OPCML: variants seen among roughly 807,000 people sequenced by gnomAD.
The protein encoded by OPCML is opioid-binding protein/cell adhesion molecule.
A neutral mutation model predicts 37.8 loss-of-function variants in OPCML; 13 were observed. The observed-to-expected ratio is 0.34, with a 90% confidence interval of 0.22 to 0.55. The LOEUF is 0.55. Ranked by LOEUF, OPCML falls within the 20% of genes least tolerant of loss-of-function variation. OPCML has a pLI of 0.91. For missense variants in OPCML, 341 were observed against 435.6 expected, an observed-to-expected ratio of 0.78 and a Z score of 1.93; for synonymous variants, 176 against 168.8, an observed-to-expected ratio of 1.04 and a Z score of -0.33.
intron 1 of OPCML, among the ~76,000 whole-genome samples, chr11:133,168,751 A>AGTTTTCT (rs1950248466): frequency 6.6e-6 from 1 of 152,192 alleles, no homozygotes; most frequent in Non-Finnish European, 1.5e-5. Context: ...CTAATTACGG[A>AGTTTTCT]CACTGATGTT....
intron 1 of OPCML, among the ~76,000 whole-genome samples, chr11:133,485,840 T>G (rs1186773413): frequency 6.6e-6 from 1 of 152,286 alleles, no homozygotes; most frequent in South Asian, 2.1e-4. Context: ...TTAATCAAGG[T>G]GGTGCTCTGC....
intron 1 of OPCML, among the ~76,000 whole-genome samples, chr11:133,438,549 G>C (rs1409597374): frequency 6.6e-6 from 1 of 152,168 alleles, no homozygotes; most frequent in African/African-American, 2.4e-5. Context: ...AATAACAAAG[G>C]ATGGAAAAAT....
At chr11:133,171,770 G>A (rs1265601119) in intron 1 of OPCML, among the ~76,000 whole-genome samples, 1 of 152,192 alleles carries the variant, frequency 6.6e-6, no homozygotes, top group Non-Finnish European at 1.5e-5. Flanking sequence ...CTTGAAAGAT[G>A]TCAAAGAAAC....
chr11:132,916,990 G>C (rs7926121), intron 2 of OPCML, among the ~76,000 whole-genome samples: 37,321 of 152,062 alleles, frequency 0.25, 7,959 homozygotes, highest in African/African-American at 0.57. Flanking sequence ...CCCAGAGTTT[G>C]TTTTGCAGAC....
chr11:133,313,604 C>T (rs1024952854), intron 1 of OPCML, among the ~76,000 whole-genome samples: 10 of 152,144 alleles, frequency 6.6e-5, no homozygotes, highest in Admixed American at 6.5e-4. Context: ...AGTGATGTGA[C>T]ACCTGAAGCG....
At position 132,474,628 on chromosome 11, in the gene OPCML, C is replaced by CTG. The variant is rs376215594; in HGVS notation, c.506-37271_506-37270dup. Reference sequence around the variant, plus strand: ...TTTTTCTGCAGTGGCCCCCAAATGGCTGGCCACTGCGGAAAACTTCTAGCC... The same window carrying CTG: ...TTTTTCTGCAGTGGCCCCCAAATGGCTGTGGCCACTGCGGAAAACTTCTAGCC... On this transcript the variant is annotated intron_variant, in intron 4 of 7. Transcript: ENST00000524381. 5.9e-5 allele frequency among the ~76,000 whole-genome samples: 9 copies of CTG among 152,254 alleles called. 1 individual carries two copies. The highest frequency in any genetic ancestry group is 2.2e-4 in the African/African-American group (9 of 41,558).
chr11:132,852,940 C>T (rs977970632), intron 2 of OPCML, among the ~76,000 whole-genome samples: 1 of 151,470 alleles, frequency 6.6e-6, no homozygotes, highest in Non-Finnish European at 1.5e-5. Flanking sequence ...TGACAGACAC[C>T]TTATGTAGCC....
chr11:132,530,126 C>T lies in OPCML; in HGVS notation c.380-940G>A, dbSNP rs192661214. Among the ~76,000 whole-genome samples the T allele has an allele frequency of 1.9e-3, 292 of 152,164 alleles. 1 individual carries two copies. Among genetic ancestry groups the T allele is most frequent in the Non-Finnish European group, 2.8e-3 (192 of 68,010 alleles). The stretch of plus-strand genomic sequence containing the variant: ...GAGTGACTGATATAAAGTAAGCACT[C>T]AATAAATGTTAGCTCCTAAGATGAT... On this transcript the variant is annotated intron_variant, in intron 3 of 7. Coordinates refer to ENST00000524381, the MANE Select transcript of OPCML (RefSeq NM_001012393.5).
intron 1 of OPCML, among the ~76,000 whole-genome samples, chr11:133,239,875 G>A (rs1175536376): frequency 6.6e-6 from 1 of 152,062 alleles, no homozygotes; most frequent in African/African-American, 2.4e-5. Flanking sequence ...GTGTGTGCTC[G>A]CAAGCTTTTA....
intron 1 of OPCML, among the ~76,000 whole-genome samples, chr11:132,964,782 C>T (rs1407624200): frequency 6.6e-6 from 1 of 152,132 alleles, no homozygotes; most frequent in Non-Finnish European, 1.5e-5. Flanking sequence ...AATACTACTA[C>T]CTGCTATGTA....
chr11:132,477,082 C>T (rs775489936), intron 4 of OPCML, among the ~76,000 whole-genome samples: 1 of 152,152 alleles, frequency 6.6e-6, no homozygotes, highest in Non-Finnish European at 1.5e-5. Flanking sequence ...TACATGGACT[C>T]TCATGTTCAC....
intron 7 of OPCML, among the ~76,000 whole-genome samples, chr11:132,424,613 A>G (rs914136010): frequency 6.6e-6 from 1 of 152,138 alleles, no homozygotes; most frequent in Non-Finnish European, 1.5e-5. Context: ...CAATCTGGCA[A>G]TGTTGGAGTT....
At chr11:132,852,951 C>A (rs1198211247) in intron 2 of OPCML, among the ~76,000 whole-genome samples, 2 of 151,442 alleles carry the variant, frequency 1.3e-5, no homozygotes, top group African/African-American at 4.8e-5. Context: ...TTATGTAGCC[C>A]GCAAAGCCTA....
At chr11:132,449,953 G>A (rs1046888762) in intron 4 of OPCML, among the ~76,000 whole-genome samples, 1 of 152,114 alleles carries the variant, frequency 6.6e-6, no homozygotes, top group East Asian at 1.9e-4. Context: ...ATTTGGGCTC[G>A]GAGCTTCTAG....
intron 1 of OPCML, among the ~76,000 whole-genome samples, chr11:133,441,594 T>C (rs1378057420): frequency 6.6e-6 from 1 of 152,176 alleles, no homozygotes; most frequent in Non-Finnish European, 1.5e-5. Context: ...TAAACAACCC[T>C]TTATGATTAT....
At chr11:133,144,082 G>C (rs1382651960) in intron 1 of OPCML, among the ~76,000 whole-genome samples, 1 of 152,226 alleles carries the variant, frequency 6.6e-6, no homozygotes, top group African/African-American at 2.4e-5. Context: ...TCTCCTCTGA[G>C]AGAGGACGTT....
chr11:132,701,807 G>T (rs2511443), intron 2 of OPCML, among the ~76,000 whole-genome samples: 2 of 148,728 alleles, frequency 1.3e-5, no homozygotes, highest in South Asian at 4.3e-4. Flanking sequence ...GTGGTGGTGG[G>T]CGTGTGCTTT....
intron 1 of OPCML, chr11:133,301,247 A>T (rs2136565641): frequency 6.6e-6 from 1 of 152,338 alleles, no homozygotes; most frequent in Admixed American, 6.5e-5. Context: ...TGGTACAATT[A>T]ACACAATCCC....
At chr11:133,530,735 C>T (rs1253261324) in intron 1 of OPCML, among the ~76,000 whole-genome samples, 1 of 152,236 alleles carries the variant, frequency 6.6e-6, no homozygotes, top group Non-Finnish European at 1.5e-5. Context: ...CATGGTTATG[C>T]AGAGCCCATC....
Sources: gnomAD v4.1 joint callset for allele counts (sites outside exome capture counted in the v4.1 genomes callset) on GRCh38, gnomAD v4.1.1 for gene constraint, MANE v1.5 for transcripts, NCBI Gene and HGNC (gene_info 2026-07-23, HGNC 2026-07-21) for gene names.